The following CATSPERE variants were observed in gnomAD, a reference collection of about 807,000 sequenced individuals.
CATSPERE encodes the protein cation channel sperm-associated auxiliary subunit epsilon.
A neutral mutation model predicts 114.1 loss-of-function variants in CATSPERE; 93 were observed. That is an observed-to-expected ratio of 0.81 (90% confidence interval 0.69 to 0.97). CATSPERE has a LOEUF of 0.97. Among genes scored for constraint, CATSPERE ranks in the 50% least tolerant of loss-of-function variants. The pLI is 0.00. For synonymous variants in CATSPERE, 341 were observed against 384.1 expected (o/e 0.89, Z 1.31); for missense variants, 1,058 against 1,131.6 (o/e 0.93, Z 0.93).
At chr1:244,461,551 A>C in intron 1 of CATSPERE, 57 bp downstream of exon 1, 1 of 1,246,644 alleles carries the variant, frequency 8.0e-7, no homozygotes, top group Non-Finnish European at 1.0e-6. Flanking sequence ...CCGGCGGGGC[A>C]GGCGGGAGGG....
In CATSPERE at chr1:244,490,442, A is replaced by G; in HGVS notation, c.327-5A>G. On this transcript the variant is annotated splice_region_variant and splice_polypyrimidine_tract_variant and intron_variant, in intron 5 of 21. Transcript: ENST00000366534. ...CTAAAATATGTTTCCTCTTTTTCCA[A>G]GCAGACATTTCTTTAACAACTTTAC... is the stretch of plus-strand genomic sequence containing the variant. 1 of 1,539,716 alleles carries G rather than the reference A, an allele frequency of 6.5e-7. No homozygotes were observed. The highest frequency in any genetic ancestry group is 8.9e-7 in the Non-Finnish European group (1 of 1,118,398).
intron 6 of CATSPERE, among the ~76,000 whole-genome samples, chr1:244,495,691 C>T (rs1672972212): frequency 6.6e-6 from 1 of 151,862 alleles, no homozygotes; most frequent in African/African-American, 2.4e-5. Flanking sequence ...ACTGCATTCC[C>T]GCCTGGCGAC....
intron 6 of CATSPERE, 110 bp downstream of exon 6, chr1:244,490,581 G>T: frequency 2.8e-6 from 2 of 726,186 alleles, no homozygotes; most frequent in South Asian, 1.8e-5. Flanking sequence ...ATTTTGCAAT[G>T]ATATTTGCTT....
At position 244,621,194 on chromosome 1, in the gene CATSPERE, T is replaced by TCTATATA. The variant is rs1330110357; in HGVS notation, c.2648+3508_2648+3509insCTATATA. Among the ~76,000 whole-genome samples, 3 of 13,016 alleles carry TCTATATA rather than the reference T, an allele frequency of 2.3e-4. 1 individual carries two copies. Among genetic ancestry groups the TCTATATA allele is most frequent in the African/African-American group, 5.6e-4 (3 of 5,372 alleles). 8.5% of individuals were successfully genotyped at this position (13,016 alleles called of 152,430 possible). A position where few individuals can be genotyped will look rare whatever the true frequency, so the allele number is the denominator to read the frequency against. Reference sequence around the variant, plus strand: ...ATATAGATATATTTATATAGATATATTTATATAGATATATTTATATATATA... The same window carrying TCTATATA: ...ATATAGATATATTTATATAGATATATCTATATATTATATAGATATATTTATATATATA... On this transcript the variant is annotated intron_variant, in intron 20 of 21. Coordinates refer to ENST00000366534, the MANE Select transcript of CATSPERE (RefSeq NM_001130957.2).
chr1:244,547,017 C>G (rs1659860871), intron 8 of CATSPERE, among the ~76,000 whole-genome samples: 1 of 151,966 alleles, frequency 6.6e-6, no homozygotes, highest in Non-Finnish European at 1.5e-5. Flanking sequence ...ATAAGACTAC[C>G]CCAAGACTTA....
intron 9 of CATSPERE, among the ~76,000 whole-genome samples, chr1:244,559,615 G>C (rs1000101778): frequency 6.6e-6 from 1 of 152,150 alleles, no homozygotes; most frequent in African/African-American, 2.4e-5. Context: ...ATCCATGAAA[G>C]GGTAGAATTC....
intron 6 of CATSPERE, among the ~76,000 whole-genome samples, chr1:244,493,415 G>C (rs1416960852): frequency 6.6e-6 from 1 of 152,158 alleles, no homozygotes; most frequent in Non-Finnish European, 1.5e-5. Flanking sequence ...AGCTGAAACT[G>C]GATCCCTTCC....
chr1:244,543,441 C>T (rs550360889), intron 8 of CATSPERE, among the ~76,000 whole-genome samples: 39 of 151,186 alleles, frequency 2.6e-4, no homozygotes, highest in South Asian at 1.5e-3. Context: ...AAGTTGACCT[C>T]GTAGAAGTAG....
intron 8 of CATSPERE, among the ~76,000 whole-genome samples, chr1:244,524,698 C>G (rs1678222111): frequency 1.3e-5 from 2 of 151,254 alleles, no homozygotes; most frequent in South Asian, 2.1e-4. Context: ...AGACACTTCT[C>G]AAAAGAAGAC....
At chr1:244,462,046 G>T (rs1479767809) in intron 1 of CATSPERE, among the ~76,000 whole-genome samples, 1 of 152,084 alleles carries the variant, frequency 6.6e-6, no homozygotes, top group Non-Finnish European at 1.5e-5. Context: ...CGAACTCCTG[G>T]CCTTAAGTGA....
At chr1:244,537,554 A>T (rs951258782) in intron 8 of CATSPERE, among the ~76,000 whole-genome samples, 1 of 152,192 alleles carries the variant, frequency 6.6e-6, no homozygotes, top group African/African-American at 2.4e-5. Context: ...AATTAGCATT[A>T]TTTGTTCCTT....
chr1:244,595,918 G>C (rs1668348903), intron 17 of CATSPERE, among the ~76,000 whole-genome samples: 1 of 151,980 alleles, frequency 6.6e-6, no homozygotes. Flanking sequence ...GGGCGACAGA[G>C]CGAGACTCCG....
intron 21 of CATSPERE, among the ~76,000 whole-genome samples, chr1:244,637,248 T>A (rs1305200443): frequency 6.6e-6 from 1 of 152,170 alleles, no homozygotes; most frequent in Non-Finnish European, 1.5e-5. Context: ...CCCAGCTGTC[T>A]GTCCTCATCA....
At chr1:244,497,511 A>T (rs957862684) in intron 6 of CATSPERE, among the ~76,000 whole-genome samples, 2 of 152,198 alleles carry the variant, frequency 1.3e-5, no homozygotes, top group African/African-American at 4.8e-5. Context: ...ATACTGCAGT[A>T]CCAGGCTGGA....
chr1:244,487,722 G>C (rs1298969300), intron 5 of CATSPERE, among the ~76,000 whole-genome samples: 1 of 152,110 alleles, frequency 6.6e-6, no homozygotes, highest in Non-Finnish European at 1.5e-5. Context: ...GGCTGGTCAG[G>C]ACCCAAGGTG....
intron 5 of CATSPERE, among the ~76,000 whole-genome samples, chr1:244,488,310 G>T (rs547566716): frequency 4.6e-4 from 70 of 152,130 alleles, no homozygotes; most frequent in African/African-American, 1.7e-3. Context: ...CTTTCTTTTT[G>T]AAACTCTTTC....
At chr1:244,527,562 C>T (rs994608486) in intron 8 of CATSPERE, among the ~76,000 whole-genome samples, 3 of 151,962 alleles carry the variant, frequency 2.0e-5, no homozygotes, top group African/African-American at 4.8e-5. Context: ...CACAGGGTCC[C>T]GAGGCAACAT....
intron 2 of CATSPERE, among the ~76,000 whole-genome samples, chr1:244,474,093 G>A (rs188158891): frequency 9.8e-4 from 149 of 151,868 alleles, no homozygotes; most frequent in Middle Eastern, 3.4e-3. Flanking sequence ...TTGCAATGGC[G>A]TGATCTCGAC....
At chr1:244,463,790 G>A in intron 1 of CATSPERE, 118 bp from the exon 2 acceptor site, 1 of 852,698 alleles carries the variant, frequency 1.2e-6, no homozygotes, top group South Asian at 1.5e-5. Flanking sequence ...TCAAGGAAGG[G>A]AATGAGGCAG....
Sources: allele counts gnomAD v4.1 joint callset (sites outside exome capture counted in the v4.1 genomes callset), GRCh38; gene constraint gnomAD v4.1.1; transcripts MANE v1.5; gene names NCBI Gene and HGNC (gene_info 2026-07-23, HGNC 2026-07-21).